The following ASTN2 variants were observed in gnomAD, a reference collection of about 807,000 sequenced individuals.
ASTN2 encodes astrotactin 2, also known as astrotactin-2.
ASTN2 carries 54 observed loss-of-function variants against 139.8 expected under a neutral mutation model. The ratio of observed to expected loss-of-function variants is 0.39; its 90% CI spans 0.31 to 0.48. The LOEUF (loss-of-function observed/expected upper bound fraction) is 0.48, where lower values mean the gene tolerates loss of function less well. Among genes scored for constraint, ASTN2 ranks in the 20% least tolerant of loss-of-function variants. The pLI, the probability that ASTN2 is intolerant of heterozygous loss-of-function variation, is 0.95. For synonymous variants in ASTN2, 756 were observed against 719.5 expected, an observed-to-expected ratio of 1.05 and a Z score of -0.81; for missense variants, 1,565 against 1,725.1, an observed-to-expected ratio of 0.91 and a Z score of 1.64.
At chr9:117,008,068 C>T (rs1837409638) in intron 7 of ASTN2, 24 bp downstream of exon 7, 3 of 1,555,950 alleles carry the variant, frequency 1.9e-6, no homozygotes, top group Non-Finnish European at 2.6e-6. Context: ...ACCTTCTATC[C>T]CCATCCCGGC....
chr9:116,505,433 G>A (rs1001173863), intron 19 of ASTN2, among the ~76,000 whole-genome samples: 9 of 152,070 alleles, frequency 5.9e-5, no homozygotes, highest in African/African-American at 2.2e-4. Context: ...TTTAAGAAAA[G>A]CAAGGCAAAA....
At chr9:116,578,647 T>C (rs1321255390) in intron 19 of ASTN2, among the ~76,000 whole-genome samples, 11 of 150,916 alleles carry the variant, frequency 7.3e-5, no homozygotes, top group Non-Finnish European at 1.3e-4. Context: ...TGTGTGTGTG[T>C]GTGTGTGTGT....
At chr9:116,641,303 A>C (rs1857317254) in intron 17 of ASTN2, among the ~76,000 whole-genome samples, 1 of 152,210 alleles carries the variant, frequency 6.6e-6, no homozygotes, top group Admixed American at 6.5e-5. Flanking sequence ...CTTTTATTTA[A>C]AATTTGAAGA....
At chr9:116,609,318 C>CTG (rs1216876670) in intron 19 of ASTN2, among the ~76,000 whole-genome samples, 1 of 119,154 alleles carries the variant, frequency 8.4e-6, no homozygotes, top group African/African-American at 4.3e-5. Context: ...CTCTCTCTCT[C>CTG]TCTCTCTCTC....
chr9:117,159,373 C>G (rs896349264), intron 3 of ASTN2, among the ~76,000 whole-genome samples: 1 of 151,926 alleles, frequency 6.6e-6, no homozygotes, highest in Non-Finnish European at 1.5e-5. Context: ...TCTAATTTCT[C>G]AAGCGAAAAA....
At chr9:116,472,218 C>A (rs1848835282) in intron 20 of ASTN2, among the ~76,000 whole-genome samples, 1 of 152,166 alleles carries the variant, frequency 6.6e-6, no homozygotes, top group South Asian at 2.1e-4. Context: ...TTTCAACTGC[C>A]CTGAATCTCT....
At chr9:117,115,952 A>C (rs1320566635) in intron 4 of ASTN2, among the ~76,000 whole-genome samples, 3 of 151,322 alleles carry the variant, frequency 2.0e-5, no homozygotes, top group Non-Finnish European at 4.4e-5. Context: ...GTGAACCCAG[A>C]AGGCGGAGCT....
intron 17 of ASTN2, among the ~76,000 whole-genome samples, chr9:116,641,356 T>C (rs1588129303): frequency 6.6e-6 from 1 of 152,308 alleles, no homozygotes; most frequent in East Asian, 1.9e-4. Context: ...GCTCAGGTGC[T>C]CAGGTCAAAT....
In ASTN2 at chr9:117,414,499, A is replaced by C. The variant is rs760096866; in HGVS notation, c.440T>G (p.Leu147Arg). 6.2e-7 allele frequency: 1 copy of C among 1,608,258 alleles called. No homozygotes were observed. Among genetic ancestry groups the C allele is most frequent in the Non-Finnish European group, 8.5e-7 (1 of 1,177,836 alleles). The change falls in exon 1 of 23, where the codon CTG (leucine) becomes CGG (arginine). Residue 147 changes from leucine (L) to arginine (R), a missense_variant and splice_region_variant. This residue lies in a region of ASTN2 where 596 missense variants were observed against 576.8 expected (regional missense o/e 1.03). Coordinates refer to ENST00000313400, the MANE Select transcript of ASTN2 (RefSeq NM_001365068.1). This position sits in a 1 kb window ranked among gnomAD's most constrained non-coding sequence, Gnocchi z 4.2. ...CGCGTGCCGGCGCCCAGCCTTACCC[A>C]GGGTGAAGAAGGGCAGCTCGGTGTT... is the stretch of plus-strand genomic sequence containing the variant. ...LDNTELPFFT[L>R]EMSGTAADIS...
intron 1 of ASTN2, among the ~76,000 whole-genome samples, chr9:117,375,954 T>C (rs1830110635): frequency 6.6e-6 from 1 of 152,162 alleles, no homozygotes; most frequent in Non-Finnish European, 1.5e-5. Context: ...TGTATGTCTA[T>C]CTTCACATCC....
intron 1 of ASTN2, among the ~76,000 whole-genome samples, chr9:117,400,553 C>T (rs982568918): frequency 2.0e-5 from 3 of 152,298 alleles, no homozygotes; most frequent in Admixed American, 2.0e-4. Flanking sequence ...GTCCCCCTCC[C>T]TGGGGAAGGC....
intron 11 of ASTN2, among the ~76,000 whole-genome samples, chr9:116,858,752 G>A (rs1198803466): frequency 1.3e-5 from 2 of 151,762 alleles, no homozygotes; most frequent in African/African-American, 4.8e-5. Flanking sequence ...ACTGGTCAAG[G>A]GATATGGTCT....
At chr9:116,683,601 C>G (rs896789447) in intron 16 of ASTN2, among the ~76,000 whole-genome samples, 12 of 152,282 alleles carry the variant, frequency 7.9e-5, no homozygotes, top group Middle Eastern at 3.4e-3. Context: ...CTAGGCTTCT[C>G]ACAGATAGCT....
At chr9:116,462,815 TG>T (rs1848532466) in intron 20 of ASTN2, among the ~76,000 whole-genome samples, 2 of 151,702 alleles carry the variant, frequency 1.3e-5, no homozygotes, top group African/African-American at 4.8e-5. Context: ...TGTGTGTGTG[TG>T]TGTGTGTGTG....
chr9:117,193,639 C>CAAAAAAAAAAAAAA (rs61700943), intron 3 of ASTN2, among the ~76,000 whole-genome samples: 7 of 106,000 alleles, frequency 6.6e-5, no homozygotes, highest in Non-Finnish European at 1.1e-4. Flanking sequence ...ATTCAGTCAC[C>CAAAAAAAAAAAAAA]AAAAAAAAAA....
chr9:116,452,292 A>G (rs1236365917), intron 20 of ASTN2, among the ~76,000 whole-genome samples: 1 of 152,196 alleles, frequency 6.6e-6, no homozygotes, highest in East Asian at 1.9e-4. Context: ...AAGTGACTTC[A>G]GTTATAGAAA....
chr9:116,841,621 T>C (rs1267067947), intron 11 of ASTN2, among the ~76,000 whole-genome samples: 4 of 152,128 alleles, frequency 2.6e-5, no homozygotes, highest in African/African-American at 9.7e-5. Context: ...TCACAAAGAA[T>C]AGACACAACT....
intron 1 of ASTN2, among the ~76,000 whole-genome samples, chr9:117,380,356 C>T (rs1339440740): frequency 6.6e-6 from 1 of 152,038 alleles, no homozygotes; most frequent in Admixed American, 6.5e-5. Context: ...CCTGTAATCC[C>T]AGCACTTTGG....
intron 10 of ASTN2, among the ~76,000 whole-genome samples, chr9:116,954,307 G>C (rs1835648594): frequency 6.6e-6 from 1 of 152,188 alleles, no homozygotes; most frequent in South Asian, 2.1e-4. Flanking sequence ...TTATACAGGA[G>C]AAATGTTTCT....
Sources: allele counts gnomAD v4.1 joint callset (sites outside exome capture counted in the v4.1 genomes callset), GRCh38; gene constraint gnomAD v4.1.1; regional missense constraint gnomAD v4.1.1; non-coding constraint Gnocchi (gnomAD v3.1); transcripts MANE v1.5; gene names NCBI Gene and HGNC (gene_info 2026-07-23, HGNC 2026-07-21).